The following CDYL variants were observed in gnomAD, a reference collection of about 807,000 sequenced individuals.
CDYL encodes chromodomain Y-like protein.
A neutral mutation model predicts 47.3 loss-of-function variants in CDYL; 8 were observed. The ratio of observed to expected loss-of-function variants is 0.17; its 90% CI spans 0.10 to 0.31. The LOEUF (loss-of-function observed/expected upper bound fraction) is 0.31. Ranked by LOEUF, CDYL falls within the 10% of genes least tolerant of loss-of-function variation. CDYL has a pLI of 1.00. For missense variants in CDYL, 471 were observed against 701.4 expected (o/e 0.67, Z 3.71); for synonymous variants, 266 against 265.0 (o/e 1.00, Z -0.04).
chr6:4,839,776 A>C (rs1386702469), intron 1 of CDYL, among the ~76,000 whole-genome samples: 1 of 152,054 alleles, frequency 6.6e-6, no homozygotes, highest in Non-Finnish European at 1.5e-5. Flanking sequence ...CCATTGGTCT[A>C]TGTGCTTATT....
chr6:4,841,835 G>A (rs1266598462), intron 1 of CDYL, among the ~76,000 whole-genome samples: 1 of 151,590 alleles, frequency 6.6e-6, no homozygotes, highest in Admixed American at 6.6e-5. Flanking sequence ...CTTGGAGAAT[G>A]TTCCATGTGC....
chr6:4,903,024 C>T (rs939997577), intron 2 of CDYL, among the ~76,000 whole-genome samples: 1 of 152,196 alleles, frequency 6.6e-6, no homozygotes, highest in African/African-American at 2.4e-5. Context: ...GCTTCATTAA[C>T]ATTTGCGTGT....
Position 4,865,995 on chromosome 6 carries a change from TTTC to T in CDYL, c.25-25715_25-25713del, listed in dbSNP as rs141275315. ...TTTTAAAATACAAGAGACATTCAAA[TTTC>T]TTTACACACTAGGCCAGAAAGCAGT... On this transcript the variant is annotated intron_variant, in intron 1 of 6. Transcript: ENST00000397588. 2.4e-3 allele frequency among the ~76,000 whole-genome samples: 372 copies of T among 152,330 alleles called. 2 individuals carry two copies. Among genetic ancestry groups the T allele is most frequent in the African/African-American group, 8.7e-3 (363 of 41,582 alleles).
intron 1 of CDYL, among the ~76,000 whole-genome samples, chr6:4,867,674 T>C (rs1179385571): frequency 2.6e-5 from 4 of 152,110 alleles, no homozygotes; most frequent in African/African-American, 9.6e-5. Flanking sequence ...AAACTCTGCC[T>C]GGTCATGATG....
intron 2 of CDYL, among the ~76,000 whole-genome samples, chr6:4,925,893 G>T (rs1488272540): frequency 6.6e-6 from 1 of 152,170 alleles, no homozygotes; most frequent in African/African-American, 2.4e-5. Context: ...GCTATTCTTA[G>T]ACTGATTCTA....
At position 4,836,962 on chromosome 6, in the gene CDYL, C is replaced by T. The variant is rs75958400; in HGVS notation, c.25-54751C>T. The stretch of plus-strand genomic sequence containing the variant: ...GTGTGGGTGCAGGTATGTGTGTCTG[C>T]TCCCACCTCTGCTGGGTGGAAGTCT... On this transcript the variant is annotated intron_variant, in intron 1 of 6. Coordinates refer to ENST00000397588, the MANE Select transcript of CDYL (RefSeq NM_004824.4). Among the ~76,000 whole-genome samples the T allele has an allele frequency of 7.5e-3, 1,136 of 152,300 alleles. 14 individuals are homozygous for T. Among genetic ancestry groups the T allele is most frequent in the African/African-American group, 0.025 (1,054 of 41,554 alleles).
At chr6:4,821,298 G>A (rs1193979584) in intron 1 of CDYL, among the ~76,000 whole-genome samples, 7 of 112,968 alleles carry the variant, frequency 6.2e-5, no homozygotes, top group Non-Finnish European at 1.7e-5. Flanking sequence ...TTGAGACGGA[G>A]TCTCACTCTC....
chr6:4,800,406 C>A (rs1249063800), intron 1 of CDYL, among the ~76,000 whole-genome samples: 1 of 152,148 alleles, frequency 6.6e-6, no homozygotes, highest in Non-Finnish European at 1.5e-5. Flanking sequence ...ATTATTGTCA[C>A]AGTTGTTGCA....
chr6:4,890,604 G>A (rs1470211256), intron 1 of CDYL, among the ~76,000 whole-genome samples: 4 of 152,200 alleles, frequency 2.6e-5, no homozygotes, highest in Non-Finnish European at 5.9e-5. Flanking sequence ...TGGGGATGGG[G>A]TATTCTCCCG....
chr6:4,842,758 G>C (rs977611774), intron 1 of CDYL, among the ~76,000 whole-genome samples: 3 of 152,108 alleles, frequency 2.0e-5, no homozygotes, highest in Non-Finnish European at 4.4e-5. Flanking sequence ...AGTTACTATT[G>C]AGATGCTAGG....
chr6:4,941,825 G>C (rs890061534), intron 4 of CDYL, among the ~76,000 whole-genome samples: 1 of 152,158 alleles, frequency 6.6e-6, no homozygotes, highest in Non-Finnish European at 1.5e-5. Flanking sequence ...GTGGTTTCCA[G>C]ATGTCAGCCT....
At chr6:4,807,470 C>T (rs1048433514) in intron 1 of CDYL, among the ~76,000 whole-genome samples, 10 of 152,080 alleles carry the variant, frequency 6.6e-5, no homozygotes, top group Admixed American at 5.9e-4. Context: ...CATTGGCCTG[C>T]AGCAGTTCTG....
intron 3 of CDYL, among the ~76,000 whole-genome samples, chr6:4,742,465 A>G (rs1035436376): frequency 6.6e-5 from 10 of 152,002 alleles, no homozygotes; most frequent in Non-Finnish European, 1.3e-4. Context: ...AGAAAAAGGA[A>G]GAGAGAAATA....
At chr6:4,708,921 C>T (rs571929841) in intron 1 of CDYL, among the ~76,000 whole-genome samples, 15 of 152,072 alleles carry the variant, frequency 9.9e-5, no homozygotes, top group Middle Eastern at 3.4e-3. Context: ...CAGGAAGAAT[C>T]GCTTGAACCC....
chr6:4,806,167 C>T (rs569852284), intron 1 of CDYL, among the ~76,000 whole-genome samples: 147 of 152,302 alleles, frequency 9.7e-4, no homozygotes, highest in South Asian at 2.3e-3. Context: ...CCCTGCATGC[C>T]GACCCACCGG....
At chr6:4,795,602 CTT>C (rs949098069) in intron 1 of CDYL, among the ~76,000 whole-genome samples, 5 of 151,816 alleles carry the variant, frequency 3.3e-5, no homozygotes, top group African/African-American at 1.2e-4. Context: ...GGTTTAATGT[CTT>C]TTATATTAGA....
intron 1 of CDYL, among the ~76,000 whole-genome samples, chr6:4,797,227 C>T (rs1759096746): frequency 6.6e-6 from 1 of 151,978 alleles, no homozygotes; most frequent in Non-Finnish European, 1.5e-5. Context: ...CACTGATTAA[C>T]TCTTCATTCT....
At chr6:4,937,018 A>G (rs1324589646) in intron 3 of CDYL, among the ~76,000 whole-genome samples, 2 of 152,226 alleles carry the variant, frequency 1.3e-5, no homozygotes, top group African/African-American at 4.8e-5. Flanking sequence ...CAGTAACTGT[A>G]TCAGGCTATG....
intron 1 of CDYL, among the ~76,000 whole-genome samples, chr6:4,889,703 A>C (rs1210937422): frequency 6.6e-6 from 1 of 152,172 alleles, no homozygotes; most frequent in African/African-American, 2.4e-5. Context: ...AACAGGGTTA[A>C]GTGATTGGGA....
Sources: gnomAD v4.1 joint callset for allele counts (sites outside exome capture counted in the v4.1 genomes callset) on GRCh38, gnomAD v4.1.1 for gene constraint, MANE v1.5 for transcripts, NCBI Gene and HGNC (gene_info 2026-07-23, HGNC 2026-07-21) for gene names.